The following SHROOM4 variants were observed in gnomAD, a reference collection of about 807,000 sequenced individuals.
SHROOM4 encodes the protein protein Shroom4.
SHROOM4 carries 17 observed loss-of-function variants against 80.3 expected under a neutral mutation model. That is an observed-to-expected ratio of 0.21 (90% CI 0.14 to 0.32). The LOEUF is 0.32. Among genes scored for constraint, SHROOM4 ranks in the 10% least tolerant of loss-of-function variants. The pLI is 1.00. For missense variants in SHROOM4, 993 were observed against 1,140.3 expected (o/e 0.87, Z 1.86); for synonymous variants, 400 against 437.5 (o/e 0.91, Z 1.07).
At chrX:50,730,463 T>C (rs2147539824) in intron 1 of SHROOM4, among the ~76,000 whole-genome samples, 1 of 107,525 alleles carries the variant, frequency 9.3e-6, no homozygotes, top group African/African-American at 3.4e-5. Context: ...AATAAAAAAA[T>C]AAAAAGCAAT....
chrX:50,747,734 A>G (rs1301028520), intron 1 of SHROOM4, among the ~76,000 whole-genome samples: 2 of 112,164 alleles, frequency 1.8e-5, no homozygotes, highest in South Asian at 7.5e-4. Context: ...CTTGGCTCAA[A>G]CAAGAAAGAA....
rs1569549131 is a variant in SHROOM4, at chrX:50,795,077, TATATATATATG to T, written c.117+18814_117+18824del. 1.6e-3 allele frequency among the ~76,000 whole-genome samples: 81 copies of T among 49,793 alleles called. 11 individuals are homozygous for T. Among genetic ancestry groups the T allele is most frequent in the African/African-American group, 5.8e-3 (50 of 8,652 alleles). The allele number at this position is 49,793 out of a possible 115,157, so 43.2% of individuals were successfully genotyped here. A position where few individuals can be genotyped will look rare whatever the true frequency, so the allele number is the denominator to read the frequency against. ...ATATATATATGATATATATATATGA[TATATATATATG>T]ATATATATATATGATATATATATAT... is the stretch of plus-strand genomic sequence containing the variant. On this transcript the variant is annotated intron_variant, in intron 1 of 8. Transcript: ENST00000376020.
intron 2 of SHROOM4, among the ~76,000 whole-genome samples, chrX:50,684,077 T>C (rs1352784242): frequency 8.9e-6 from 1 of 112,221 alleles, no homozygotes; most frequent in Non-Finnish European, 1.9e-5. Flanking sequence ...GAAGTTGTAC[T>C]GAGTTGAATG....
intron 5 of SHROOM4, among the ~76,000 whole-genome samples, chrX:50,614,774 T>C (rs1282519417): frequency 8.9e-6 from 1 of 112,227 alleles, no homozygotes; most frequent in African/African-American, 3.2e-5. Context: ...ATAAGGATAT[T>C]CACTGTAGAT....
At chrX:50,741,260 A>C (rs1934648468) in intron 1 of SHROOM4, among the ~76,000 whole-genome samples, 1 of 110,744 alleles carries the variant, frequency 9.0e-6, no homozygotes, top group African/African-American at 3.3e-5. Context: ...AGAGAGTAGA[A>C]TGGTGGTTAC....
At position 50,795,141 on chromosome X, in the gene SHROOM4, T is replaced by TG. The variant is rs1557271990; in HGVS notation, c.117+18760_117+18761insC. On this transcript the variant is annotated intron_variant, in intron 1 of 8. Coordinates refer to ENST00000376020, the MANE Select transcript of SHROOM4 (RefSeq NM_020717.5). ...TATATATATATGATATATATATATA[T>TG]ATATGATATATATATATATATATAT... Among the ~76,000 whole-genome samples the TG allele has an allele frequency of 1.7e-3, 4 of 2,316 alleles. 1 individual carries two copies. Among genetic ancestry groups the TG allele is most frequent in the African/African-American group, 3.0e-3 (4 of 1,342 alleles). 2.0% of individuals were successfully genotyped at this position (2,316 alleles called of 115,157 possible).
intron 4 of SHROOM4, among the ~76,000 whole-genome samples, chrX:50,629,928 G>T (rs905208830): frequency 3.6e-5 from 4 of 110,493 alleles, no homozygotes; most frequent in Non-Finnish European, 7.6e-5. Context: ...TTTCTTGAGG[G>T]GGGTGGAGTA....
chrX:50,693,087 T>C (rs1273719279), intron 2 of SHROOM4, among the ~76,000 whole-genome samples: 1 of 111,082 alleles, frequency 9.0e-6, no homozygotes, highest in Non-Finnish European at 1.9e-5. Flanking sequence ...ATAGGAGATA[T>C]AGAAAATAAA....
In SHROOM4 at chrX:50,650,866, C is replaced by T. The variant is rs1932024274; in HGVS notation, c.270-12558G>A. On this transcript the variant is annotated intron_variant, in intron 2 of 8. Coordinates refer to ENST00000376020, the MANE Select transcript of SHROOM4 (RefSeq NM_020717.5). ...CCAACCTAGCAAAATGCTTTTTTTC[C>T]ACATAATTTTGCTGCTTGGCAGTGG... Among the ~76,000 whole-genome samples the T allele has an allele frequency of 4.5e-5, 5 of 111,909 alleles. No individual in the cohort carries two copies. In the South Asian group the frequency reaches 1.9e-3, roughly 41 times the overall value.
At chrX:50,715,800 G>T (rs1557264766) in intron 1 of SHROOM4, among the ~76,000 whole-genome samples, 1 of 107,156 alleles carries the variant, frequency 9.3e-6, no homozygotes, top group African/African-American at 3.4e-5. Context: ...CGGTATCAAG[G>T]TTCCTCAAAA....
At chrX:50,743,659 G>A (rs782130860) in intron 1 of SHROOM4, among the ~76,000 whole-genome samples, 2 of 110,377 alleles carry the variant, frequency 1.8e-5, no homozygotes, top group East Asian at 5.8e-4. Context: ...GGCCCACTAT[G>A]TTGCCCAGGC....
intron 1 of SHROOM4, among the ~76,000 whole-genome samples, chrX:50,712,679 C>T (rs1423835377): frequency 1.8e-5 from 2 of 111,850 alleles, no homozygotes; most frequent in African/African-American, 6.5e-5. Flanking sequence ...TCCATTTGAA[C>T]CCATGGTGAA....
chrX:50,666,279 C>T (rs782586495), intron 2 of SHROOM4, among the ~76,000 whole-genome samples: 36 of 112,005 alleles, frequency 3.2e-4, no homozygotes, highest in African/African-American at 1.1e-3. Flanking sequence ...CACAGAGCTA[C>T]TTTCCCAGTC....
chrX:50,746,878 T>C (rs1557267634), intron 1 of SHROOM4, among the ~76,000 whole-genome samples: 1 of 112,255 alleles, frequency 8.9e-6, no homozygotes. Context: ...GAAAATGATA[T>C]GGCAACTCCA....
At position 50,795,133 on chromosome X, in the gene SHROOM4, T is replaced by TATATCATATATG. The variant is rs1557271979; in HGVS notation, c.117+18768_117+18769insCATATATGATAT. ...ATATATGATATATATATATGATATA[T>TATATCATATATG]ATATATATATATGATATATATATAT... On this transcript the variant is annotated intron_variant, in intron 1 of 8. Transcript: ENST00000376020. Among the ~76,000 whole-genome samples the TATATCATATATG allele has an allele frequency of 3.7e-3, 11 of 2,955 alleles. 1 individual carries two copies. Among genetic ancestry groups the TATATCATATATG allele is most frequent in the African/African-American group, 5.7e-3 (11 of 1,917 alleles). 2.6% of individuals were successfully genotyped at this position (2,955 alleles called of 115,157 possible).
In SHROOM4 at chrX:50,634,661, G is replaced by A. The variant is rs375318853; in HGVS notation, c.1412C>T (p.Ser471Phe). The stretch of plus-strand genomic sequence containing the variant: ...TTGTCTGGTCTTTCTTTCTTTGCTG[G>A]ACTGGTCATGGGTTCCTCCTGTAGG... ...CPPTGGTHDQSSKERKTRQVD... is the reference protein window; with the variant it reads ...CPPTGGTHDQFSKERKTRQVD... Residue 471 changes from serine (S) to phenylalanine (F), a missense_variant, in exon 4 of 9, where the codon TCC becomes TTC. Transcript: ENST00000376020. 4 of 1,209,912 alleles carry A rather than the reference G, an allele frequency of 3.3e-6. No individual in the cohort carries two copies. Among genetic ancestry groups the A allele is most frequent in the African/African-American group, 3.5e-5 (2 of 57,034 alleles).
At chrX:50,643,968 C>T (rs181923881) in intron 2 of SHROOM4, among the ~76,000 whole-genome samples, 1 of 112,916 alleles carries the variant, frequency 8.9e-6, no homozygotes, top group East Asian at 2.8e-4. Flanking sequence ...GCCATCTCTG[C>T]AGGTCCTCTG....
downstream of SHROOM4, among the ~76,000 whole-genome samples, chrX:50,585,493 T>C (rs142676790): frequency 8.1e-5 from 9 of 110,922 alleles, no homozygotes; most frequent in African/African-American, 3.0e-4. Context: ...TTAGGGGTCA[T>C]AGCTGGAGAA....
rs1935927143 is a variant in SHROOM4, at chrX:50,794,807, T to C, written c.117+19095A>G. Among the ~76,000 whole-genome samples the C allele has an allele frequency of 2.8e-5, 3 of 105,320 alleles. No individual in the cohort carries two copies. The South Asian group carries it at 1.3e-3, about 45-fold the overall frequency. The allele number at this position is 105,320 out of a possible 115,157, so 91.5% of individuals were successfully genotyped here. ...TCAGAAGTTATAAATATTAAGGAAG[T>C]CAGATCACAGATAAGGGATGTAATG... On this transcript the variant is annotated intron_variant, in intron 1 of 8. Coordinates refer to ENST00000376020, the MANE Select transcript of SHROOM4 (RefSeq NM_020717.5).
Sources: allele counts gnomAD v4.1 joint callset (sites outside exome capture counted in the v4.1 genomes callset), GRCh38; gene constraint gnomAD v4.1.1; transcripts MANE v1.5; gene names NCBI Gene and HGNC (gene_info 2026-07-23, HGNC 2026-07-21).